Variants in COL1A2 observed in about 807,000 individuals in gnomAD.
COL1A2 encodes the protein collagen type I alpha 2 chain.
In COL1A2, 49 loss-of-function variants were observed where a neutral mutation model predicts 174.3. That is an observed-to-expected ratio of 0.28 (90% CI 0.22 to 0.36). The LOEUF (loss-of-function observed/expected upper bound fraction) is 0.36, where lower values mean the gene tolerates loss of function less well. Among genes scored for constraint, COL1A2 ranks in the 10% least tolerant of loss-of-function variants. The probability of loss-of-function intolerance (pLI) is 1.00; values close to 1 mark genes in which losing one functional copy is unlikely to be tolerated. For synonymous variants in COL1A2, 655 were observed against 606.6 expected (o/e 1.08, Z -1.17); for missense variants, 1,438 against 1,822.7 (o/e 0.79, Z 3.84).
Position 94,409,747 on chromosome 7 carries a change from C to G in COL1A2, c.961C>G (p.Pro321Ala). 6.2e-7 allele frequency: 1 copy of G among 1,614,110 alleles called. No individual in the cohort carries two copies. The highest frequency in any genetic ancestry group is 8.5e-7 in the Non-Finnish European group (1 of 1,179,994). ...GGGCCTTCCCGGCGTTGCTGGGGCTCCCGGCCTCCCTGGACCCCGCGGTAT... is the reference window on the plus strand; with the variant it reads ...GGGCCTTCCCGGCGTTGCTGGGGCTGCCGGCCTCCCTGGACCCCGCGGTAT... ...AAGLPGVAGA[P>A]GLPGPRGIPG... is the part of the protein sequence containing the mutation. Residue 321 changes from proline (P) to alanine (A), a missense_variant, in exon 19 of 52, where the codon CCC (proline) becomes GCC (alanine). Around this residue, in one of 3 missense-constraint regions of COL1A2, gnomAD observed 867 missense variants for 1,213.7 expected, o/e 0.71. Coordinates refer to ENST00000297268, the MANE Select transcript of COL1A2 (RefSeq NM_000089.4).
chr7:94,410,969 G>C (rs1285536028), intron 22 of COL1A2, 27 bp downstream of exon 22: 1 of 1,613,382 alleles, frequency 6.2e-7, no homozygotes, highest in East Asian at 2.2e-5. Context: ...TTACTTCCTA[G>C]AAAGGGGCTT....
chr7:94,425,506 C>A, intron 42 of COL1A2, 104 bp from the exon 43 acceptor site: 1 of 1,186,452 alleles, frequency 8.4e-7, no homozygotes, highest in Non-Finnish European at 1.3e-6. Flanking sequence ...AAAGAGGGTT[C>A]GTTACTGAGC....
chr7:94,427,906 C>A (rs754638975), intron 49 of COL1A2, 21 bp downstream of exon 49: 2 of 1,613,194 alleles, frequency 1.2e-6, no homozygotes, highest in East Asian at 4.5e-5. Flanking sequence ...ATGTCCAGAC[C>A]AGACTGACCC....
intron 37 of COL1A2, 123 bp from the exon 38 acceptor site, chr7:94,420,886 A>G: frequency 9.7e-7 from 1 of 1,029,746 alleles, no homozygotes; most frequent in Non-Finnish European, 1.5e-6. Flanking sequence ...ATTCTGACAC[A>G]GATAGTCATT....
rs569241110 is a variant in COL1A2 at position 94,421,025 on chromosome 7, C to T, written c.2312C>T (p.Pro771Leu). The change falls in exon 38 of 52, where the codon CCC (proline) becomes CTC (leucine). Residue 771 changes from proline to leucine, a missense_variant. By Grantham distance (98) the Pro-to-Leu change is moderately conservative. Transcript: ENST00000297268. The stretch of plus-strand genomic sequence containing the variant: ...TGCATTTAGGGTCCAAATGGTCCCC[C>T]CGGTCCTGCTGGAAGTCGTGGTGAT... ...AAGPAGPNGP[P>L]GPAGSRGDGG... The T allele has an allele frequency of 8.1e-6, 13 of 1,614,010 alleles. No homozygotes were observed. The highest frequency in any genetic ancestry group is 3.3e-5 in the Admixed American group (2 of 60,012).
chr7:94,410,342 C>T, intron 20 of COL1A2, 47 bp downstream of exon 20: 1 of 1,609,476 alleles, frequency 6.2e-7, no homozygotes, highest in Admixed American at 1.7e-5. Flanking sequence ...TTGTTTTTCT[C>T]ATTCCAGTTT....
chr7:94,428,568 A>G, intron 50 of COL1A2, 91 bp downstream of exon 50: 1 of 1,283,394 alleles, frequency 7.8e-7, no homozygotes, highest in African/African-American at 1.5e-5. Flanking sequence ...TCTGACAAAA[A>G]TGGGCTTATT....
intron 50 of COL1A2, 80 bp from the exon 51 acceptor site, chr7:94,429,108 C>CTTTTTTTTTTTTTTTTTTT (rs11380334): frequency 6.1e-6 from 5 of 816,768 alleles, no homozygotes; most frequent in Admixed American, 2.9e-5. Context: ...CTTTTTTTTT[C>CTTTTTTTTTTTTTTTTTTT]TTTTTTTTTT....
At chr7:94,429,004 T>C (rs1792343183) in intron 50 of COL1A2, among the ~76,000 whole-genome samples, 184 bp from the exon 51 acceptor site, 1 of 152,206 alleles carries the variant, frequency 6.6e-6, no homozygotes, top group African/African-American at 2.4e-5. Flanking sequence ...CTTATGTTCA[T>C]CTAGGTAACT....
chr7:94,402,570 G>A (rs1791708500), intron 6 of COL1A2, among the ~76,000 whole-genome samples: 1 of 151,998 alleles, frequency 6.6e-6, no homozygotes. Context: ...GCATTAGAGA[G>A]AAGTTTGAAG....
intron 3 of COL1A2, 121 bp downstream of exon 3, chr7:94,398,517 C>A: frequency 2.6e-6 from 1 of 379,372 alleles, no homozygotes; most frequent in Non-Finnish European, 4.7e-6. Context: ...TATGAATATA[C>A]ATTAGCTAAA....
At chr7:94,408,892 G>C (rs1412698934) in intron 16 of COL1A2, 69 bp downstream of exon 16, 41 of 1,402,526 alleles carry the variant, frequency 2.9e-5, no homozygotes, top group African/African-American at 4.2e-5. Flanking sequence ...GATTGGAACT[G>C]TGTTTGCAGA....
intron 28 of COL1A2, 24 bp downstream of exon 28, chr7:94,413,971 A>G (rs374176427): frequency 1.8e-5 from 28 of 1,598,744 alleles, no homozygotes; most frequent in Non-Finnish European, 6.9e-6. Context: ...AACATATACA[A>G]TACTGCCTTT....
rs777414172 is a variant in COL1A2, at chr7:94,413,785, G to A, written c.1611+42G>A. The A allele has an allele frequency of 3.4e-5, 55 of 1,611,838 alleles. No homozygotes were observed. The Middle Eastern group carries it at 2.3e-3, about 68-fold the overall frequency. ...CTCTTGTGCTCTTCTGCACTAGAAT[G>A]TATATAGTCCTCAAACTGGCCATCT... On this transcript the variant is annotated intron_variant, in intron 27 of 51. Transcript: ENST00000297268.
In COL1A2 at chr7:94,405,053, A is replaced by T. The variant is rs1426206322; in HGVS notation, c.433-146A>T. On this transcript the variant is annotated intron_variant, in intron 9 of 51. Transcript: ENST00000297268. ...ATTTTAATGAAATATTAACTAACCT[A>T]CTTGTATTAAGGGAAAGATTAAATA... 3.8e-6 allele frequency: 4 copies of T among 1,063,188 alleles called. No individual in the cohort carries two copies. The African/African-American group carries it at 4.8e-5, about 13-fold the overall frequency. The allele number at this position is 1,063,188 out of a possible 1,614,324, so 65.9% of individuals were successfully genotyped here. A position where few individuals can be genotyped will look rare whatever the true frequency, so the allele number is the denominator to read the frequency against.
At position 94,417,843 on chromosome 7, in the gene COL1A2, C is replaced by A. The variant is rs1251348195; in HGVS notation, c.1971+12C>A. ...GCAAGGGAGAAAAGGTACGTGTTGA[C>A]CCCTATTACATATTGTTGATGAACT... On this transcript the variant is annotated intron_variant, in intron 32 of 51. Coordinates refer to ENST00000297268, the MANE Select transcript of COL1A2 (RefSeq NM_000089.4). The A allele has an allele frequency of 1.9e-6, 3 of 1,571,588 alleles. No individual in the cohort carries two copies. The highest frequency in any genetic ancestry group is 2.6e-6 in the Non-Finnish European group (3 of 1,154,254).
intron 11 of COL1A2, 62 bp downstream of exon 11, chr7:94,405,788 T>G (rs1434896060): frequency 1.5e-6 from 2 of 1,317,270 alleles, no homozygotes; most frequent in Non-Finnish European, 2.2e-6. Flanking sequence ...AAAACTCAAG[T>G]ATGTTTAAAA....
intron 4 of COL1A2, 111 bp downstream of exon 4, chr7:94,399,195 C>T: frequency 1.0e-6 from 1 of 981,586 alleles, no homozygotes; most frequent in Non-Finnish European, 1.6e-6. Flanking sequence ...GATAATTGTA[C>T]ACCCCTTTAA....
chr7:94,399,988 G>T, intron 4 of COL1A2: 1 of 706,856 alleles, frequency 1.4e-6, no homozygotes, highest in African/African-American at 1.7e-5. Flanking sequence ...TAGTTCTTTA[G>T]GAAAACTACC....
Sources: gnomAD v4.1 joint callset for allele counts (sites outside exome capture counted in the v4.1 genomes callset) on GRCh38, gnomAD v4.1.1 for gene constraint, gnomAD v4.1.1 regional missense constraint, MANE v1.5 for transcripts, NCBI Gene and HGNC (gene_info 2026-07-23, HGNC 2026-07-21) for gene names.